Variants in CNTNAP2 observed in about 807,000 individuals in gnomAD.
CNTNAP2 encodes the protein contactin-associated protein-like 2.
A neutral mutation model predicts 155.2 loss-of-function variants in CNTNAP2; 98 were observed. That is an observed-to-expected ratio of 0.63 (90% CI 0.54 to 0.75). CNTNAP2 has a LOEUF of 0.75. Ranked by LOEUF, CNTNAP2 falls within the 30% of genes least tolerant of loss-of-function variation. CNTNAP2 has a pLI of 0.00. For synonymous variants in CNTNAP2, 651 were observed against 631.2 expected (o/e 1.03, Z -0.47); for missense variants, 1,727 against 1,688.1 (o/e 1.02, Z -0.40).
At chr7:146,421,240 T>C (rs1526157) in intron 1 of CNTNAP2, among the ~76,000 whole-genome samples, 5,462 of 152,094 alleles carry the variant, frequency 0.036, 342 homozygotes, top group African/African-American at 0.12. Flanking sequence ...ATGTATACCA[T>C]GGTATTGACA....
chr7:146,918,535 T>C (rs1796439564), intron 3 of CNTNAP2, among the ~76,000 whole-genome samples: 1 of 152,242 alleles, frequency 6.6e-6, no homozygotes, highest in South Asian at 2.1e-4. Context: ...GTAGAGTTTC[T>C]GCTGAGAGAT....
chr7:146,928,773 C>G (rs1028196759), intron 3 of CNTNAP2, among the ~76,000 whole-genome samples: 1 of 152,178 alleles, frequency 6.6e-6, no homozygotes, highest in South Asian at 2.1e-4. Flanking sequence ...AGCGGTGCAC[C>G]AGGAGATTAT....
At chr7:146,860,913 C>T (rs1046386832) in intron 3 of CNTNAP2, among the ~76,000 whole-genome samples, 3 of 152,052 alleles carry the variant, frequency 2.0e-5, no homozygotes, top group Non-Finnish European at 4.4e-5. Context: ...CTTTTGTACC[C>T]CTTCTTCCTA....
chr7:146,840,433 T>C (rs1348073329), intron 3 of CNTNAP2, among the ~76,000 whole-genome samples: 1 of 152,202 alleles, frequency 6.6e-6, no homozygotes, highest in Admixed American at 6.5e-5. Flanking sequence ...AATGTCTCTA[T>C]TAACTTAAAA....
intron 1 of CNTNAP2, among the ~76,000 whole-genome samples, chr7:146,543,121 C>T (rs1405176): frequency 0.04 from 6,026 of 151,938 alleles, 408 homozygotes; most frequent in African/African-American, 0.14. Context: ...TACCCAAATG[C>T]AACCATTGCA....
At chr7:146,770,972 T>G (rs1378265790) in intron 1 of CNTNAP2, among the ~76,000 whole-genome samples, 2 of 152,046 alleles carry the variant, frequency 1.3e-5, no homozygotes, top group Admixed American at 6.6e-5. Flanking sequence ...CTAGAAAAAT[T>G]TCTCCTAGCA....
chr7:148,191,383 C>T (rs1795201253), intron 18 of CNTNAP2, among the ~76,000 whole-genome samples: 1 of 152,142 alleles, frequency 6.6e-6, no homozygotes, highest in African/African-American at 2.4e-5. Context: ...TCCTCTTGAT[C>T]TTGAGCTTCC....
intron 11 of CNTNAP2, among the ~76,000 whole-genome samples, chr7:147,494,817 T>TA (rs1349770879): frequency 1.3e-5 from 2 of 151,982 alleles, no homozygotes; most frequent in Admixed American, 6.6e-5. Context: ...AGAATTAGAG[T>TA]AAAAAATAAT....
intron 13 of CNTNAP2, among the ~76,000 whole-genome samples, chr7:147,645,409 G>A (rs930539021): frequency 3.0e-4 from 45 of 152,250 alleles, no homozygotes; most frequent in Admixed American, 2.6e-3. Flanking sequence ...ACTAATCAGT[G>A]TATTAATCAG....
chr7:148,276,833 T>G (rs1451288529), intron 21 of CNTNAP2, among the ~76,000 whole-genome samples: 1 of 152,232 alleles, frequency 6.6e-6, no homozygotes, highest in Non-Finnish European at 1.5e-5. Flanking sequence ...GTTGCCATGG[T>G]TATCACAGAA....
intron 1 of CNTNAP2, among the ~76,000 whole-genome samples, chr7:146,274,997 A>C (rs572993379): frequency 6.6e-6 from 1 of 152,194 alleles, no homozygotes. Flanking sequence ...GGCTTTTGGC[A>C]CTTAATAAGC....
intron 8 of CNTNAP2, among the ~76,000 whole-genome samples, chr7:147,237,807 A>G (rs899206822): frequency 9.9e-5 from 15 of 152,246 alleles, no homozygotes; most frequent in Admixed American, 6.5e-5. Context: ...ATTATGAAAC[A>G]GTTAAAAAAT....
intron 13 of CNTNAP2, among the ~76,000 whole-genome samples, chr7:147,678,326 G>A (rs1795898880): frequency 6.6e-6 from 1 of 151,864 alleles, no homozygotes; most frequent in African/African-American, 2.4e-5. Flanking sequence ...TTTTGAGACT[G>A]ATCTCCCCAA....
At chr7:147,118,404 T>G (rs1020737994) in intron 5 of CNTNAP2, among the ~76,000 whole-genome samples, 1 of 151,258 alleles carries the variant, frequency 6.6e-6, no homozygotes, top group Admixed American at 6.6e-5. Context: ...CACATAGAAA[T>G]ATGTTGATAG....
chr7:147,619,238 T>A (rs1010336077), intron 12 of CNTNAP2, among the ~76,000 whole-genome samples: 7 of 152,228 alleles, frequency 4.6e-5, no homozygotes, highest in Non-Finnish European at 7.3e-5. Flanking sequence ...AATTTAAAAT[T>A]TGCTATATGC....
chr7:147,732,443 A>G lies in CNTNAP2; in HGVS notation c.2098+93137A>G, dbSNP rs1449341225. 2.3e-4 allele frequency among the ~76,000 whole-genome samples: 35 copies of G among 152,034 alleles called. 1 individual carries two copies. The highest frequency in any genetic ancestry group is 2.3e-3 in the Admixed American group (35 of 15,256). On this transcript the variant is annotated intron_variant, in intron 13 of 23. Transcript: ENST00000361727. Reference sequence around the variant, plus strand: ...TCTTAATCCAGTCTATCATTGTTGGACATTTGGGTTGGTTCCAAGTCTTTG... The same window carrying G: ...TCTTAATCCAGTCTATCATTGTTGGGCATTTGGGTTGGTTCCAAGTCTTTG...
intron 8 of CNTNAP2, among the ~76,000 whole-genome samples, chr7:147,263,662 TTACA>T (rs1172642651): frequency 6.6e-6 from 1 of 152,190 alleles, no homozygotes. Context: ...CTTTTATCTC[TTACA>T]TACTGTGTTC....
intron 20 of CNTNAP2, among the ~76,000 whole-genome samples, chr7:148,240,299 G>A (rs1245456489): frequency 6.6e-6 from 1 of 152,188 alleles, no homozygotes; most frequent in Non-Finnish European, 1.5e-5. Context: ...GAGAAAAGAT[G>A]TGTCCAGTCA....
intron 15 of CNTNAP2, among the ~76,000 whole-genome samples, chr7:148,015,448 G>A (rs911185413): frequency 2.6e-5 from 4 of 152,186 alleles, no homozygotes; most frequent in Admixed American, 6.5e-5. Flanking sequence ...AGGAGCGCCT[G>A]TGTCCCCAAA....
Sources: gnomAD v4.1 joint callset for allele counts (sites outside exome capture counted in the v4.1 genomes callset) on GRCh38, gnomAD v4.1.1 for gene constraint, MANE v1.5 for transcripts, NCBI Gene and HGNC (gene_info 2026-07-23, HGNC 2026-07-21) for gene names.